OXR1: variants seen among roughly 807,000 people sequenced by gnomAD.
OXR1 encodes oxidation resistance 1.
A neutral mutation model predicts 104.6 loss-of-function variants in OXR1; 41 were observed. That is an observed-to-expected ratio of 0.39 (90% CI 0.31 to 0.51). The LOEUF is 0.51. Ranked by LOEUF, OXR1 falls within the 20% of genes least tolerant of loss-of-function variation. The pLI is 0.77. For missense variants in OXR1, 955 were observed against 1,031.9 expected (o/e 0.93, Z 1.02); for synonymous variants, 348 against 348.4 (o/e 1.00, Z 0.01).
intron 1 of OXR1, among the ~76,000 whole-genome samples, chr8:106,271,097 G>T (rs1042193611): frequency 9.2e-5 from 14 of 152,084 alleles, no homozygotes; most frequent in Admixed American, 2.6e-4. Flanking sequence ...GGTGAAGAGG[G>T]GGGGAGCTGT....
At chr8:106,574,116 CTT>C (rs958656475) in intron 3 of OXR1, among the ~76,000 whole-genome samples, 2 of 152,124 alleles carry the variant, frequency 1.3e-5, no homozygotes, top group African/African-American at 2.4e-5. Context: ...TTAATGGTAA[CTT>C]AATATTCTAA....
intron 2 of OXR1, among the ~76,000 whole-genome samples, chr8:106,464,969 A>G (rs1821097840): frequency 6.6e-6 from 1 of 152,008 alleles, no homozygotes; most frequent in East Asian, 1.9e-4. Context: ...GTAGTAAGGA[A>G]AACAGTTTGA....
rs527459074 is a variant in OXR1, at chr8:106,657,138, C to G, written c.221-22072C>G. ...TTCTTTCCCTGTCTAGGTTCTTTGT[C>G]CCTGAAAGGTAGATCCGCAAACTAA... On this transcript the variant is annotated intron_variant, in intron 3 of 16. Coordinates refer to ENST00000517566, the MANE Select transcript of OXR1 (RefSeq NM_001198533.2). 2.6e-5 allele frequency among the ~76,000 whole-genome samples: 4 copies of G among 152,226 alleles called. No individual in the cohort carries two copies. The South Asian group carries it at 8.3e-4, about 32-fold the overall frequency.
chr8:106,441,540 A>C (rs911159476), intron 2 of OXR1, among the ~76,000 whole-genome samples: 7 of 152,138 alleles, frequency 4.6e-5, no homozygotes, highest in Non-Finnish European at 2.9e-5. Context: ...GATTTTTCCT[A>C]TCCATGAGGA....
At chr8:106,464,156 A>G (rs1161379683) in intron 2 of OXR1, among the ~76,000 whole-genome samples, 4 of 152,110 alleles carry the variant, frequency 2.6e-5, no homozygotes, top group Non-Finnish European at 5.9e-5. Flanking sequence ...ACCTGAACCC[A>G]GAATCTTCAT....
At chr8:106,394,609 G>A (rs1353301930) in intron 2 of OXR1, among the ~76,000 whole-genome samples, 10 of 152,068 alleles carry the variant, frequency 6.6e-5, no homozygotes, top group Admixed American at 6.6e-4. Flanking sequence ...TAAAGAGTGG[G>A]ACCTATTGAT....
chr8:106,549,541 C>T (rs1815639103), intron 3 of OXR1, among the ~76,000 whole-genome samples: 1 of 152,138 alleles, frequency 6.6e-6, no homozygotes, highest in South Asian at 2.1e-4. Flanking sequence ...AAAATGATCA[C>T]TATCTTAATC....
At chr8:106,330,776 C>G (rs1424356616) in intron 1 of OXR1, among the ~76,000 whole-genome samples, 2 of 152,178 alleles carry the variant, frequency 1.3e-5, no homozygotes, top group Non-Finnish European at 2.9e-5. Flanking sequence ...GAACTACTGG[C>G]CCTTTCATTT....
chr8:106,592,255 GT>G (rs946388013), intron 3 of OXR1, among the ~76,000 whole-genome samples: 52 of 152,244 alleles, frequency 3.4e-4, no homozygotes, highest in African/African-American at 1.2e-3. Context: ...TCATATTCTT[GT>G]GTGAGTAAAC....
At chr8:106,690,454 T>A (rs1829166370) in intron 6 of OXR1, among the ~76,000 whole-genome samples, 1 of 151,338 alleles carries the variant, frequency 6.6e-6, no homozygotes. Flanking sequence ...GGTTAGTATC[T>A]GAAAAATTAA....
At chr8:106,423,501 C>T (rs769744284) in intron 2 of OXR1, among the ~76,000 whole-genome samples, 1 of 152,094 alleles carries the variant, frequency 6.6e-6, no homozygotes, top group East Asian at 1.9e-4. Context: ...AATAAATGGG[C>T]TAAATTCTGA....
intron 2 of OXR1, among the ~76,000 whole-genome samples, chr8:106,469,031 TTGTTG>T (rs1368864007): frequency 7.1e-6 from 1 of 140,722 alleles, no homozygotes; most frequent in East Asian, 2.2e-4. Flanking sequence ...GTTGTTGTTG[TTGTTG>T]TGTGTGTGTG....
chr8:106,442,146 C>T (rs906720533), intron 2 of OXR1, among the ~76,000 whole-genome samples: 2 of 152,036 alleles, frequency 1.3e-5, no homozygotes, highest in African/African-American at 4.8e-5. Context: ...TTTATCGAAG[C>T]CTTTTTCTGC....
intron 2 of OXR1, among the ~76,000 whole-genome samples, chr8:106,515,634 C>T (rs1204826906): frequency 4.6e-5 from 7 of 151,864 alleles, no homozygotes; most frequent in African/African-American, 1.2e-4. Context: ...AGTAGTATTC[C>T]GTTGTGTATA....
At chr8:106,390,664 A>G (rs894512180) in intron 2 of OXR1, among the ~76,000 whole-genome samples, 10 of 152,204 alleles carry the variant, frequency 6.6e-5, no homozygotes, top group Admixed American at 2.6e-4. Context: ...TTTAAAAATC[A>G]TAACAGTATG....
rs1425094440 is a variant in OXR1, at chr8:106,270,294, C to CCCGCCGAGAGGGGCGCACTCG, written c.-205_-185dup. On this transcript the variant is annotated 5_prime_UTR_variant, in exon 1 of 17. Transcript: ENST00000517566. Reference sequence around the variant, plus strand: ...CAGCGCCGGCGCCGCGCCGCCCAGCCCCGCCGAGAGGGGCGCACTCGCCGC... The same window carrying CCCGCCGAGAGGGGCGCACTCG: ...CAGCGCCGGCGCCGCGCCGCCCAGCCCCGCCGAGAGGGGCGCACTCGCCGCCGAGAGGGGCGCACTCGCCGC... 6.6e-5 allele frequency: 10 copies of CCCGCCGAGAGGGGCGCACTCG among 152,244 alleles called. No homozygotes were observed. Among genetic ancestry groups the CCCGCCGAGAGGGGCGCACTCG allele is most frequent in the African/African-American group, 9.7e-5 (4 of 41,414 alleles). 9.4% of individuals were successfully genotyped at this position (152,244 alleles called of 1,614,324 possible).
chr8:106,283,163 T>C (rs552767856), intron 1 of OXR1, among the ~76,000 whole-genome samples: 1 of 152,336 alleles, frequency 6.6e-6, no homozygotes, highest in South Asian at 2.1e-4. Flanking sequence ...CTAGCAGGTT[T>C]CATGCCATTT....
rs137969214 is a variant in OXR1, at chr8:106,569,458, AAC to A, written c.220+50323_220+50324del. Among the ~76,000 whole-genome samples the A allele has an allele frequency of 9.9e-3, 1,508 of 152,310 alleles. 27 individuals carry two copies. The highest frequency in any genetic ancestry group is 0.033 in the African/African-American group (1,388 of 41,576). On this transcript the variant is annotated intron_variant, in intron 3 of 16. Coordinates refer to ENST00000517566, the MANE Select transcript of OXR1 (RefSeq NM_001198533.2). ...ATTATGTTGAAAAATAAAAATAAAA[AAC>A]ACATTTAAAAAGCAAATCATCGCAT...
At chr8:106,457,457 CAGACTA>C (rs964852609) in intron 2 of OXR1, among the ~76,000 whole-genome samples, 3 of 152,094 alleles carry the variant, frequency 2.0e-5, no homozygotes, top group African/African-American at 7.2e-5. Context: ...CAGCAAAAGC[CAGACTA>C]AGACAGAAAA....
Sources: gnomAD v4.1 joint callset for allele counts (sites outside exome capture counted in the v4.1 genomes callset) on GRCh38, gnomAD v4.1.1 for gene constraint, MANE v1.5 for transcripts, NCBI Gene and HGNC (gene_info 2026-07-23, HGNC 2026-07-21) for gene names.